SLC49A4: variants seen among roughly 807,000 people sequenced by gnomAD.
The protein encoded by SLC49A4 is solute carrier family 49 member 4.
SLC49A4 carries 36 observed loss-of-function variants against 50.6 expected under a neutral mutation model. That is an observed-to-expected ratio of 0.71 (90% CI 0.55 to 0.94). The LOEUF is 0.94. SLC49A4 is among the 40% of genes least tolerant of loss of function. The probability of loss-of-function intolerance (pLI) is 0.00; values close to 1 mark genes in which losing one functional copy is unlikely to be tolerated. For synonymous variants in SLC49A4, 248 were observed against 241.2 expected (o/e 1.03, Z -0.26); for missense variants, 503 against 605.7 (o/e 0.83, Z 1.78).
chr3:122,872,286 CTT>C (rs1364090391), intron 7 of SLC49A4, 127 bp from the exon 8 acceptor site: 9 of 788,116 alleles, frequency 1.1e-5, no homozygotes, highest in Non-Finnish European at 1.8e-5. Flanking sequence ...CTTTGTCAAA[CTT>C]TATCAACTAC....
At chr3:122,856,267 G>A in intron 5 of SLC49A4, 40 bp from the exon 6 acceptor site, 1 of 1,600,636 alleles carries the variant, frequency 6.2e-7, no homozygotes. Flanking sequence ...ATTGCAGTAT[G>A]ATTGTCTTGT....
chr3:122,858,399 T>G (rs1937016026), intron 6 of SLC49A4, among the ~76,000 whole-genome samples: 1 of 152,210 alleles, frequency 6.6e-6, no homozygotes, highest in Admixed American at 6.5e-5. Flanking sequence ...ATCTGAAAAC[T>G]GTTAGGTAAG....
rs548161425 is a variant in SLC49A4, at chr3:122,842,213, G to A, written c.834-3550G>A. ...CAAGATTGCAGATGTTAGGCCGGGC[G>A]CGGTGGCTCACGCCTGTAATCCCAG... On this transcript the variant is annotated intron_variant, in intron 4 of 8. Transcript: ENST00000261038. Among the ~76,000 whole-genome samples, 11 of 151,998 alleles carry A rather than the reference G, an allele frequency of 7.2e-5. No individual in the cohort carries two copies. In the South Asian group the frequency reaches 1.0e-3, roughly 14 times the overall value.
At chr3:122,811,173 T>A (rs1355164272) in intron 2 of SLC49A4, among the ~76,000 whole-genome samples, 3 of 152,178 alleles carry the variant, frequency 2.0e-5, no homozygotes, top group Non-Finnish European at 4.4e-5. Context: ...GTAAGACAAA[T>A]GAGTAATTCC....
chr3:122,800,856 G>A (rs759618177), intron 1 of SLC49A4, among the ~76,000 whole-genome samples: 14 of 152,234 alleles, frequency 9.2e-5, no homozygotes, highest in Non-Finnish European at 1.5e-4. Context: ...AGTTACTGGA[G>A]AGAGGATTAA....
At chr3:122,798,529 A>G (rs1169336481) in intron 1 of SLC49A4, among the ~76,000 whole-genome samples, 2 of 152,000 alleles carry the variant, frequency 1.3e-5, no homozygotes, top group East Asian at 3.8e-4. Flanking sequence ...AGTAGAAGAA[A>G]GCAAATACAC....
At chr3:122,856,948 C>A (rs1348465392) in intron 6 of SLC49A4, among the ~76,000 whole-genome samples, 1 of 151,602 alleles carries the variant, frequency 6.6e-6, no homozygotes, top group African/African-American at 2.4e-5. Context: ...AGTTAAGGTG[C>A]CTCTTTCCAT....
In SLC49A4 at chr3:122,879,248, T is replaced by C. The variant is rs370649067; in HGVS notation, c.1322-15T>C. ...TACATGAATGTTTAAAACTGCATGT[T>C]TTTTTGTCTTACAGAGTTGTCTTGG... On this transcript the variant is annotated splice_polypyrimidine_tract_variant and intron_variant, in intron 8 of 8. Coordinates refer to ENST00000261038, the MANE Select transcript of SLC49A4 (RefSeq NM_032839.3). 4.5e-5 allele frequency: 72 copies of C among 1,596,686 alleles called. No homozygotes were observed. The highest frequency in any genetic ancestry group is 5.9e-5 in the Non-Finnish European group (69 of 1,164,404).
chr3:122,799,567 A>C (rs1001969450), intron 1 of SLC49A4, among the ~76,000 whole-genome samples: 2 of 152,180 alleles, frequency 1.3e-5, no homozygotes, highest in Non-Finnish European at 1.5e-5. Context: ...TCATTCTTAA[A>C]TGGCATCTCA....
At chr3:122,856,426 T>G (rs756774828) in intron 6 of SLC49A4, 52 bp downstream of exon 6, 2 of 1,485,254 alleles carry the variant, frequency 1.3e-6, no homozygotes, top group Non-Finnish European at 1.9e-6. Context: ...GGAAAAAGCC[T>G]AAAGATAAAT....
At chr3:122,855,071 C>T (rs1201959122) in intron 5 of SLC49A4, among the ~76,000 whole-genome samples, 7 of 149,782 alleles carry the variant, frequency 4.7e-5, no homozygotes, top group Middle Eastern at 3.4e-3. Context: ...CCAGCCTGGG[C>T]GACAGAGCAA....
chr3:122,803,267 G>A (rs1936159621), intron 1 of SLC49A4, among the ~76,000 whole-genome samples: 1 of 152,138 alleles, frequency 6.6e-6, no homozygotes, highest in Admixed American at 6.5e-5. Flanking sequence ...GGAAAGCAAT[G>A]TAAGGGATTT....
intron 4 of SLC49A4, among the ~76,000 whole-genome samples, chr3:122,836,616 A>T (rs538957773): frequency 4.9e-4 from 75 of 152,114 alleles, no homozygotes; most frequent in South Asian, 1.7e-3. Flanking sequence ...CTGTGAATCC[A>T]TCTGGTCCTA....
chr3:122,797,706 C>A (rs1936066916), intron 1 of SLC49A4, among the ~76,000 whole-genome samples: 1 of 152,194 alleles, frequency 6.6e-6, no homozygotes, highest in African/African-American at 2.4e-5. Context: ...TTCTGCTGGG[C>A]TCAGTGGCTC....
chr3:122,869,911 A>G (rs909984208), intron 7 of SLC49A4, among the ~76,000 whole-genome samples: 2 of 152,220 alleles, frequency 1.3e-5, no homozygotes, highest in African/African-American at 2.4e-5. Context: ...GACACATCCC[A>G]TGCCTCTTTC....
At chr3:122,873,482 A>C (rs1937221176) in intron 8 of SLC49A4, among the ~76,000 whole-genome samples, 1 of 152,202 alleles carries the variant, frequency 6.6e-6, no homozygotes, top group Non-Finnish European at 1.5e-5. Flanking sequence ...GCCTGGCCAG[A>C]AACTTTCAAA....
rs759199187 is a variant in SLC49A4, at chr3:122,872,468, C to G, written c.1192C>G (p.Pro398Ala). The G allele has an allele frequency of 6.2e-7, 1 of 1,613,898 alleles. No individual in the cohort carries two copies. Among genetic ancestry groups the G allele is most frequent in the Non-Finnish European group, 8.5e-7 (1 of 1,179,890 alleles). Residue 398 changes from proline to alanine, a missense_variant, in exon 8 of 9, where the codon CCT (proline) becomes GCT (alanine). Pro to Ala is a conservative substitution (Grantham distance 27). Coordinates refer to ENST00000261038, the MANE Select transcript of SLC49A4 (RefSeq NM_032839.3). ...GGGAGTGTTCTTGAATAGCAGCGTGCCTATATTTTTTGAGCTTTTTGTGGA... is the reference window on the plus strand; with the variant it reads ...GGGAGTGTTCTTGAATAGCAGCGTGGCTATATTTTTTGAGCTTTTTGTGGA... Reference protein sequence around the residue: ...LLGVFLNSSVPIFFELFVETV... With the variant: ...LLGVFLNSSVAIFFELFVETV...
intron 3 of SLC49A4, among the ~76,000 whole-genome samples, chr3:122,830,111 A>C (rs1936588500): frequency 6.6e-6 from 1 of 152,266 alleles, no homozygotes; most frequent in African/African-American, 2.4e-5. Context: ...ATTTAGGAAT[A>C]AACTTAACAA....
At chr3:122,804,785 A>C (rs1442963162) in intron 1 of SLC49A4, among the ~76,000 whole-genome samples, 1 of 152,230 alleles carries the variant, frequency 6.6e-6, no homozygotes, top group East Asian at 1.9e-4. Flanking sequence ...GTGCCTGGCC[A>C]CAGATTGCTT....
Sources: allele counts gnomAD v4.1 joint callset (sites outside exome capture counted in the v4.1 genomes callset), GRCh38; gene constraint gnomAD v4.1.1; transcripts MANE v1.5; gene names NCBI Gene and HGNC (gene_info 2026-07-23, HGNC 2026-07-21).